The following HGSNAT variants were observed in gnomAD, a reference collection of about 807,000 sequenced individuals.
HGSNAT encodes transmembrane protein 76.
Under a neutral mutation model 85.2 loss-of-function variants are expected in HGSNAT, and 59 were observed. That is an observed-to-expected ratio of 0.69 (90% CI 0.56 to 0.86). The LOEUF (loss-of-function observed/expected upper bound fraction) is 0.86. Ranked by LOEUF, HGSNAT falls within the 40% of genes least tolerant of loss-of-function variation. HGSNAT has a pLI of 0.00. For missense variants in HGSNAT, 756 were observed against 777.1 expected (o/e 0.97, Z 0.32); for synonymous variants, 321 against 304.5 (o/e 1.05, Z -0.56).
At chr8:43,178,546 G>A (rs1472400525) in intron 10 of HGSNAT, among the ~76,000 whole-genome samples, 3 of 151,038 alleles carry the variant, frequency 2.0e-5, no homozygotes, top group African/African-American at 7.3e-5. Context: ...AGACCAGGCC[G>A]CCTTGGTCTC....
At chr8:43,163,537 A>G (rs928179518) in intron 5 of HGSNAT, among the ~76,000 whole-genome samples, 1 of 132,416 alleles carries the variant, frequency 7.6e-6, no homozygotes, top group Non-Finnish European at 1.7e-5. Context: ...TTTTTTTTTT[A>G]ATTTTTTGAG....
intron 11 of HGSNAT, among the ~76,000 whole-genome samples, chr8:43,188,476 A>G (rs1804402444): frequency 6.6e-6 from 1 of 152,178 alleles, no homozygotes. Flanking sequence ...TTCTTGTGCC[A>G]CAGTTTTCAG....
At chr8:43,142,394 G>C (rs1802578978) in intron 1 of HGSNAT, among the ~76,000 whole-genome samples, 1 of 152,110 alleles carries the variant, frequency 6.6e-6, no homozygotes, top group Admixed American at 6.5e-5. Flanking sequence ...GCTCAGTTTC[G>C]AGGTCATATT....
chr8:43,161,163 T>C (rs1803254204), intron 4 of HGSNAT, among the ~76,000 whole-genome samples: 1 of 152,154 alleles, frequency 6.6e-6, no homozygotes, highest in African/African-American at 2.4e-5. Flanking sequence ...TGGGTAGTTA[T>C]AGATGAAGCA....
rs1803269880 is a variant in HGSNAT, at chr8:43,161,570, G to T, written c.563+63G>T. On this transcript the variant is annotated intron_variant, in intron 5 of 17. Transcript: ENST00000379644. ...GTATAGAAATAACACATTCAGAAGG[G>T]GCAGCTGTCACCCTCAAGTGGCCAT... The T allele has an allele frequency of 4.7e-6, 6 of 1,268,484 alleles. No homozygotes were observed. The Admixed American group carries it at 6.8e-5, about 14-fold the overall frequency. 78.6% of individuals were successfully genotyped at this position (1,268,484 alleles called of 1,614,324 possible). A position where few individuals can be genotyped will look rare whatever the true frequency, so the allele number is the denominator to read the frequency against.
At chr8:43,188,209 G>A (rs1034377841) in intron 11 of HGSNAT, among the ~76,000 whole-genome samples, 1 of 152,148 alleles carries the variant, frequency 6.6e-6, no homozygotes, top group South Asian at 2.1e-4. Context: ...GGTTGCGGAA[G>A]TTCTCCTAGA....
intron 5 of HGSNAT, among the ~76,000 whole-genome samples, chr8:43,162,310 T>C (rs1302318314): frequency 6.6e-6 from 1 of 152,206 alleles, no homozygotes; most frequent in Non-Finnish European, 1.5e-5. Context: ...ACTGTGATAC[T>C]CTAGCTTTGT....
At chr8:43,152,160 G>A (rs1802941924) in intron 2 of HGSNAT, among the ~76,000 whole-genome samples, 1 of 152,108 alleles carries the variant, frequency 6.6e-6, no homozygotes, top group Admixed American at 6.6e-5. Flanking sequence ...GCATGGTGGT[G>A]GGCGCTTGTA....
intron 2 of HGSNAT, among the ~76,000 whole-genome samples, chr8:43,151,381 G>T (rs1333742614): frequency 6.6e-6 from 1 of 152,180 alleles, no homozygotes; most frequent in Non-Finnish European, 1.5e-5. Flanking sequence ...GGAACCTGCC[G>T]CTGAGCTCCT....
chr8:43,192,264 A>T, intron 12 of HGSNAT, 40 bp from the exon 13 acceptor site: 1 of 1,581,112 alleles, frequency 6.3e-7, no homozygotes, highest in Non-Finnish European at 8.6e-7. Context: ...GTTCGCCCTT[A>T]TGAGGTCTTG....
intron 15 of HGSNAT, chr8:43,197,287 C>T (rs1336942794): frequency 1.8e-6 from 1 of 559,350 alleles, no homozygotes; most frequent in Non-Finnish European, 3.2e-6. Context: ...GGTATGGGCT[C>T]TGTGTGGAGA....
intron 8 of HGSNAT, 142 bp downstream of exon 8, chr8:43,172,528 C>A (rs1803661488): frequency 3.2e-6 from 2 of 617,244 alleles, no homozygotes; most frequent in African/African-American, 1.8e-5. Flanking sequence ...CCTGCTCCCT[C>A]CTAGGGTGAC....
At chr8:43,155,226 C>T (rs1803055301) in intron 2 of HGSNAT, among the ~76,000 whole-genome samples, 1 of 152,132 alleles carries the variant, frequency 6.6e-6, no homozygotes, top group African/African-American at 2.4e-5. Flanking sequence ...TTCTCCACAT[C>T]CTTGCCAGCA....
intron 11 of HGSNAT, chr8:43,182,562 G>A (rs1586740834): frequency 2.5e-6 from 1 of 404,904 alleles, no homozygotes; most frequent in African/African-American, 2.0e-5. Flanking sequence ...TCCCTCCTCA[G>A]TCTCCTAATT....
At chr8:43,142,164 A>G (rs1802572173) in intron 1 of HGSNAT, among the ~76,000 whole-genome samples, 1 of 152,320 alleles carries the variant, frequency 6.6e-6, no homozygotes, top group Middle Eastern at 3.4e-3. Context: ...AAATATTTGG[A>G]AAGGAAATAA....
At chr8:43,186,301 G>T (rs1804307213) in intron 11 of HGSNAT, among the ~76,000 whole-genome samples, 1 of 152,284 alleles carries the variant, frequency 6.6e-6, no homozygotes. Flanking sequence ...ATTAATTATT[G>T]CTTCAATTTC....
chr8:43,196,172 C>A (rs1804720644), intron 14 of HGSNAT: 1 of 300,410 alleles, frequency 3.3e-6, no homozygotes, highest in Non-Finnish European at 6.5e-6. Context: ...TTCAACAGCA[C>A]CTACTTCAGA....
At position 43,140,618 on chromosome 8, in the gene HGSNAT, A is replaced by G; in HGVS notation, c.118+4A>G. ...GCCCAGGCCGCGCCGCCACGAGGTG[A>G]GTGCACACCTCCTACCGCCGCCCGG... On this transcript the variant is annotated splice_donor_region_variant and intron_variant, in intron 1 of 17. Coordinates refer to ENST00000379644, the MANE Select transcript of HGSNAT (RefSeq NM_152419.3). The G allele has an allele frequency of 1.7e-6, 2 of 1,202,738 alleles. No individual in the cohort carries two copies. Among genetic ancestry groups the G allele is most frequent in the Admixed American group, 3.9e-5 (1 of 25,538 alleles). 74.5% of individuals were successfully genotyped at this position (1,202,738 alleles called of 1,614,324 possible).
rs2130810544 is a variant in HGSNAT at position 43,193,744 on chromosome 8, T to G, written c.1378-13T>G. On this transcript the variant is annotated splice_polypyrimidine_tract_variant and intron_variant, in intron 13 of 17. Transcript: ENST00000379644. ...CAGTGAGTGAGTGCTGCCTTCTGCT[T>G]CTGTTTGTTAAGGTACTTTACCACA... The G allele has an allele frequency of 1.3e-6, 2 of 1,594,252 alleles. No homozygotes were observed. Among genetic ancestry groups the G allele is most frequent in the Admixed American group, 3.4e-5 (2 of 59,404 alleles).
Sources: allele counts gnomAD v4.1 joint callset (sites outside exome capture counted in the v4.1 genomes callset), GRCh38; gene constraint gnomAD v4.1.1; transcripts MANE v1.5; gene names NCBI Gene and HGNC (gene_info 2026-07-23, HGNC 2026-07-21).